The following CACNG2 variants were observed in gnomAD, a reference collection of about 807,000 sequenced individuals.
CACNG2 encodes the protein voltage-dependent calcium channel gamma-2 subunit.
A neutral mutation model predicts 25.9 loss-of-function variants in CACNG2; 3 were observed. That is an observed-to-expected ratio of 0.12 (90% confidence interval 0.05 to 0.30). CACNG2 has a LOEUF of 0.30. CACNG2 is among the 10% of genes least tolerant of loss of function. The pLI, the probability that CACNG2 is intolerant of heterozygous loss-of-function variation, is 1.00. For missense variants in CACNG2, 341 were observed against 432.5 expected (o/e 0.79, Z 1.88); for synonymous variants, 167 against 173.3 (o/e 0.96, Z 0.29).
chr22:36,614,721 T>C (rs1036137340), intron 1 of CACNG2, among the ~76,000 whole-genome samples: 1 of 152,170 alleles, frequency 6.6e-6, no homozygotes, highest in Non-Finnish European at 1.5e-5. Flanking sequence ...TTGCTGGGCT[T>C]AGCGTAGTTA....
chr22:36,627,218 G>A (rs560899901), intron 1 of CACNG2, among the ~76,000 whole-genome samples: 1 of 152,040 alleles, frequency 6.6e-6, no homozygotes, highest in East Asian at 1.9e-4. Context: ...AGTGGGTAGG[G>A]GTGGAGCCTA....
At chr22:36,665,040 G>T (rs147357392) in intron 1 of CACNG2, among the ~76,000 whole-genome samples, 2 of 152,286 alleles carry the variant, frequency 1.3e-5, no homozygotes, top group East Asian at 3.9e-4. Context: ...GGAGGAGAGA[G>T]GCTGACAGGG....
At chr22:36,630,844 T>A (rs1474632965) in intron 1 of CACNG2, among the ~76,000 whole-genome samples, 2 of 152,050 alleles carry the variant, frequency 1.3e-5, no homozygotes, top group Non-Finnish European at 2.9e-5. Flanking sequence ...ATTTGTTTAT[T>A]TATTGAGACA....
At chr22:36,667,439 A>G (rs1225233088) in intron 1 of CACNG2, among the ~76,000 whole-genome samples, 2 of 152,270 alleles carry the variant, frequency 1.3e-5, no homozygotes, top group South Asian at 2.1e-4. Context: ...AGTGAGGGCC[A>G]TGCCTTGCAC....
At chr22:36,687,740 T>A (rs1219831074) in intron 1 of CACNG2, among the ~76,000 whole-genome samples, 1 of 152,030 alleles carries the variant, frequency 6.6e-6, no homozygotes, top group East Asian at 1.9e-4. Flanking sequence ...CACGTGGTAA[T>A]CCCCAGGGCC....
chr22:36,608,124 C>T (rs5756259), intron 1 of CACNG2, among the ~76,000 whole-genome samples: 93,397 of 152,024 alleles, frequency 0.61, 32,496 homozygotes, highest in East Asian at 0.97. Context: ...TAGTGAGCTA[C>T]CTGTCACTGG....
chr22:36,641,590 T>C (rs1387370167), intron 1 of CACNG2, among the ~76,000 whole-genome samples: 1 of 152,252 alleles, frequency 6.6e-6, no homozygotes. Context: ...CCAGGGGCCC[T>C]GTAGACAAAC....
chr22:36,604,524 A>G (rs1603501415), intron 1 of CACNG2, among the ~76,000 whole-genome samples: 1 of 152,204 alleles, frequency 6.6e-6, no homozygotes, highest in East Asian at 1.9e-4. Flanking sequence ...GAATCAATTG[A>G]TGTGGCAAAC....
At chr22:36,685,670 T>C (rs1481884162) in intron 1 of CACNG2, among the ~76,000 whole-genome samples, 1 of 152,208 alleles carries the variant, frequency 6.6e-6, no homozygotes, top group African/African-American at 2.4e-5. Flanking sequence ...CTGGTTCTTA[T>C]GTTCTCCTGT....
chr22:36,658,310 A>T (rs1373702201), intron 1 of CACNG2, among the ~76,000 whole-genome samples: 1 of 152,236 alleles, frequency 6.6e-6, no homozygotes, highest in Non-Finnish European at 1.5e-5. Flanking sequence ...TCCAAGATCA[A>T]GGCAGATTCT....
At chr22:36,576,579 T>G in intron 2 of CACNG2, among the ~76,000 whole-genome samples, 1 of 149,972 alleles carries the variant, frequency 6.7e-6, no homozygotes, top group African/African-American at 2.4e-5. Context: ...TGTGCGTGTG[T>G]GTGTGTGTGT....
At chr22:36,614,299 T>G (rs1935990726) in intron 1 of CACNG2, among the ~76,000 whole-genome samples, 1 of 152,202 alleles carries the variant, frequency 6.6e-6, no homozygotes, top group South Asian at 2.1e-4. Flanking sequence ...TTCTCCTCTC[T>G]GCCCACCCCT....
chr22:36,605,818 C>T (rs946939627), intron 1 of CACNG2, among the ~76,000 whole-genome samples: 1 of 152,172 alleles, frequency 6.6e-6, no homozygotes, highest in Non-Finnish European at 1.5e-5. Flanking sequence ...GGTGATTACA[C>T]TCTGCTGTGC....
rs112666239 is a variant in CACNG2 at position 36,678,713 on chromosome 22, C to T, written c.211+23653G>A. ...CACCTGTTCCCCCTCCATTTCCCCACGATGGCCAGGAGCCACCATGGTTAC... is the reference window on the plus strand; with the variant it reads ...CACCTGTTCCCCCTCCATTTCCCCATGATGGCCAGGAGCCACCATGGTTAC... On this transcript the variant is annotated intron_variant, in intron 1 of 3. Transcript: ENST00000300105. Among the ~76,000 whole-genome samples, 8 of 151,816 alleles carry T rather than the reference C, an allele frequency of 5.3e-5. No individual in the cohort carries two copies. In the East Asian group the frequency reaches 5.8e-4, roughly 11 times the overall value.
intron 1 of CACNG2, among the ~76,000 whole-genome samples, chr22:36,699,642 T>A: frequency 7.4e-6 from 1 of 134,652 alleles, no homozygotes; most frequent in Admixed American, 7.8e-5. Context: ...ATCAAGTGGT[T>A]AAGGGGTGGG....
chr22:36,597,581 T>C (rs1935696286), intron 1 of CACNG2, among the ~76,000 whole-genome samples: 1 of 152,222 alleles, frequency 6.6e-6, no homozygotes, highest in Admixed American at 6.5e-5. Flanking sequence ...GAACAGATAC[T>C]CAACAATGTA....
At position 36,564,346 on chromosome 22, in the gene CACNG2, G is replaced by A; in HGVS notation, c.*5C>T. The A allele has an allele frequency of 6.2e-7, 1 of 1,611,860 alleles. No individual in the cohort carries two copies. Among genetic ancestry groups the A allele is most frequent in the Non-Finnish European group, 8.5e-7 (1 of 1,179,034 alleles). ...CCCGCGGTCTTCTGGCGAGGCCCGC[G>A]GTCTTTATACGGGGGTGGTCCGGCG... On this transcript the variant is annotated 3_prime_UTR_variant, in exon 4 of 4. Coordinates refer to ENST00000300105, the MANE Select transcript of CACNG2 (RefSeq NM_006078.5). This position sits in a 1 kb window ranked among gnomAD's most constrained non-coding sequence, Gnocchi z 6.7.
chr22:36,664,353 G>T (rs116045098), intron 1 of CACNG2, among the ~76,000 whole-genome samples: 2 of 152,186 alleles, frequency 1.3e-5, no homozygotes, highest in African/African-American at 4.8e-5. Context: ...TCGATGAGAC[G>T]CACTGTTCTA....
chr22:36,656,167 T>C (rs1190439347), intron 1 of CACNG2, among the ~76,000 whole-genome samples: 1 of 152,186 alleles, frequency 6.6e-6, no homozygotes, highest in Non-Finnish European at 1.5e-5. Context: ...GACATTCAGA[T>C]AGTATAGGAT....
Sources: allele counts gnomAD v4.1 joint callset (sites outside exome capture counted in the v4.1 genomes callset), GRCh38; gene constraint gnomAD v4.1.1; non-coding constraint Gnocchi (gnomAD v3.1); transcripts MANE v1.5; gene names NCBI Gene and HGNC (gene_info 2026-07-23, HGNC 2026-07-21).